Variants in TRAPPC11 observed in about 807,000 individuals in gnomAD.
TRAPPC11 encodes the protein foie gras homolog.
Under a neutral mutation model 151.2 loss-of-function variants are expected in TRAPPC11, and 104 were observed. The ratio of observed to expected loss-of-function variants is 0.69; its 90% CI spans 0.59 to 0.81. The LOEUF (loss-of-function observed/expected upper bound fraction) is 0.81, where lower values mean the gene tolerates loss of function less well. Ranked by LOEUF, TRAPPC11 falls within the 30% of genes least tolerant of loss-of-function variation. TRAPPC11 has a pLI of 0.00. For missense variants in TRAPPC11, 1,230 were observed against 1,349.6 expected, an observed-to-expected ratio of 0.91 and a Z score of 1.39; for synonymous variants, 456 against 472.3, an observed-to-expected ratio of 0.97 and a Z score of 0.45.
intron 4 of TRAPPC11, 60 bp downstream of exon 4, chr4:183,667,190 G>A: frequency 7.2e-7 from 1 of 1,385,400 alleles, no homozygotes; most frequent in Non-Finnish European, 1.0e-6. Context: ...ATTAAAGGGA[G>A]ATAGGGGTTT....
intron 5 of TRAPPC11, among the ~76,000 whole-genome samples, chr4:183,672,039 C>A (rs916654966): frequency 2.0e-5 from 3 of 152,288 alleles, no homozygotes; most frequent in African/African-American, 4.8e-5. Flanking sequence ...ACAAGTTGAT[C>A]AGGTTCCTAC....
intron 18 of TRAPPC11, 139 bp downstream of exon 18, chr4:183,686,887 A>T: frequency 9.5e-7 from 1 of 1,051,616 alleles, no homozygotes; most frequent in Non-Finnish European, 1.4e-6. Context: ...CTATTCAAAA[A>T]TATATCTCCA....
At chr4:183,707,039 A>G in intron 28 of TRAPPC11, 99 bp downstream of exon 28, 2 of 1,393,956 alleles carry the variant, frequency 1.4e-6, no homozygotes, top group Admixed American at 4.4e-5. Flanking sequence ...AGTAAAGCTG[A>G]CTGTGGTCCC....
At chr4:183,697,424 G>T in intron 23 of TRAPPC11, 79 bp from the exon 24 acceptor site, 1 of 1,298,748 alleles carries the variant, frequency 7.7e-7, no homozygotes, top group Non-Finnish European at 1.1e-6. Context: ...TTATTGATCA[G>T]TGATAGGTTG....
At chr4:183,702,282 T>G (rs2111089370) in intron 26 of TRAPPC11, among the ~76,000 whole-genome samples, 1 of 151,932 alleles carries the variant, frequency 6.6e-6, no homozygotes, top group South Asian at 2.1e-4. Flanking sequence ...AAGTGGAGGT[T>G]TCAGTGAGCT....
At chr4:183,682,986 C>T (rs1172708572) in intron 11 of TRAPPC11, among the ~76,000 whole-genome samples, 161 bp downstream of exon 11, 1 of 152,160 alleles carries the variant, frequency 6.6e-6, no homozygotes, top group African/African-American at 2.4e-5. Flanking sequence ...GTATGTATCA[C>T]TGCATCTTAG....
At chr4:183,703,503 T>C (rs1381638448) in intron 26 of TRAPPC11, among the ~76,000 whole-genome samples, 1 of 152,246 alleles carries the variant, frequency 6.6e-6, no homozygotes, top group Non-Finnish European at 1.5e-5. Context: ...GAATTTGTGC[T>C]TGTCATAATT....
intron 28 of TRAPPC11, among the ~76,000 whole-genome samples, chr4:183,707,941 C>T (rs893505815): frequency 6.6e-6 from 1 of 151,564 alleles, no homozygotes; most frequent in Non-Finnish European, 1.5e-5. Context: ...TTTCCTCCTG[C>T]AGTTACTTAA....
intron 1 of TRAPPC11, 83 bp from the exon 2 acceptor site, chr4:183,663,759 ACAGAG>A: frequency 4.7e-6 from 1 of 212,942 alleles, no homozygotes. Flanking sequence ...TTTTTTTGAG[ACAGAG>A]TTTTGCTCTT....
At chr4:183,710,135 G>C (rs1737269373) in intron 29 of TRAPPC11, among the ~76,000 whole-genome samples, 1 of 152,080 alleles carries the variant, frequency 6.6e-6, no homozygotes, top group African/African-American at 2.4e-5. Flanking sequence ...AGAGATTTTT[G>C]GTTCCATCAA....
intron 7 of TRAPPC11, 42 bp downstream of exon 7, chr4:183,675,279 T>A: frequency 8.1e-7 from 1 of 1,237,374 alleles, no homozygotes; most frequent in Non-Finnish European, 1.1e-6. Flanking sequence ...ATTTTTATAT[T>A]AACAATAACA....
chr4:183,666,258 G>A lies in TRAPPC11; in HGVS notation c.206G>A (p.Arg69Lys). Residue 69 changes from arginine to lysine, a missense_variant and splice_region_variant, in exon 3 of 30, where the codon AGA becomes AAA. Transcript: ENST00000334690. ...DHEYPKCRPKRTSYEWYIPKG... is the reference protein window; with the variant it reads ...DHEYPKCRPKKTSYEWYIPKG... ...TTCAATTTCTGCCAATGTTTGCAGA[G>A]AACTTCATATGAGTGGTACATTCCT... 3 of 1,608,820 alleles carry A rather than the reference G, an allele frequency of 1.9e-6. No homozygotes were observed. Among genetic ancestry groups the A allele is most frequent in the Non-Finnish European group, 2.5e-6 (3 of 1,177,734 alleles).
Position 183,712,821 on chromosome 4 carries a change from T to C in TRAPPC11, c.*177T>C. The C allele has an allele frequency of 2.0e-6, 1 of 508,784 alleles. No homozygotes were observed. The highest frequency in any genetic ancestry group is 3.1e-5 in the East Asian group (1 of 32,420). The allele number at this position is 508,784 out of a possible 1,614,324, so 31.5% of individuals were successfully genotyped here. A position where few individuals can be genotyped will look rare whatever the true frequency, so the allele number is the denominator to read the frequency against. ...TTCAAAAATATTAGGAAAATCTGTCTTATAGTTTCTCTAATAAATATCTGA... is the reference window on the plus strand; with the variant it reads ...TTCAAAAATATTAGGAAAATCTGTCCTATAGTTTCTCTAATAAATATCTGA... On this transcript the variant is annotated 3_prime_UTR_variant, in exon 30 of 30. Coordinates refer to ENST00000334690, the MANE Select transcript of TRAPPC11 (RefSeq NM_021942.6).
At chr4:183,665,150 T>G (rs13128563) in intron 2 of TRAPPC11, among the ~76,000 whole-genome samples, 40 of 143,950 alleles carry the variant, frequency 2.8e-4, no homozygotes, top group Non-Finnish European at 4.5e-4. Context: ...GCTGGAGTGC[T>G]GTGGCGCGAT....
Position 183,697,576 on chromosome 4 carries a change from T to C in TRAPPC11, c.2694+8T>C, listed in dbSNP as rs780806673. 1.2e-6 allele frequency: 2 copies of C among 1,604,286 alleles called. No homozygotes were observed. Among genetic ancestry groups the C allele is most frequent in the South Asian group, 2.2e-5 (2 of 89,126 alleles). On this transcript the variant is annotated splice_region_variant and intron_variant, in intron 24 of 29. Coordinates refer to ENST00000334690, the MANE Select transcript of TRAPPC11 (RefSeq NM_021942.6). ...AAATTTGTTTCTACCAAGGTATGTT[T>C]CTTTGAGGCATACTAGAAATCATTT...
At chr4:183,698,097 A>C (rs953945817) in intron 25 of TRAPPC11, among the ~76,000 whole-genome samples, 1 of 152,190 alleles carries the variant, frequency 6.6e-6, no homozygotes, top group Non-Finnish European at 1.5e-5. Flanking sequence ...TGTACTTCAC[A>C]AAAAGAATTT....
chr4:183,674,591 A>G, intron 5 of TRAPPC11, 122 bp from the exon 6 acceptor site: 1 of 517,292 alleles, frequency 1.9e-6, no homozygotes, highest in Non-Finnish European at 3.4e-6. Flanking sequence ...ACTTTGTCTT[A>G]TTCATAATGT....
intron 7 of TRAPPC11, among the ~76,000 whole-genome samples, chr4:183,676,476 A>G (rs1186671696): frequency 6.6e-6 from 1 of 152,120 alleles, no homozygotes; most frequent in Non-Finnish European, 1.5e-5. Flanking sequence ...CGATGGTATT[A>G]GTTTAAATCC....
chr4:183,710,821 G>A (rs1737307077), intron 29 of TRAPPC11, among the ~76,000 whole-genome samples: 1 of 151,632 alleles, frequency 6.6e-6, no homozygotes. Context: ...CTGAGGTCAG[G>A]AGTTCGAGAC....
Sources: allele counts gnomAD v4.1 joint callset (sites outside exome capture counted in the v4.1 genomes callset), GRCh38; gene constraint gnomAD v4.1.1; transcripts MANE v1.5; gene names NCBI Gene and HGNC (gene_info 2026-07-23, HGNC 2026-07-21).